PCDH15: variants seen among roughly 807,000 people sequenced by gnomAD.
The protein encoded by PCDH15 is protocadherin related 15, also known as protocadherin-15.
In PCDH15, 129 loss-of-function variants were observed where a neutral mutation model predicts 178.5. The ratio of observed to expected loss-of-function variants is 0.72; its 90% CI spans 0.63 to 0.84. The LOEUF is 0.84. Ranked by LOEUF, PCDH15 falls within the 40% of genes least tolerant of loss-of-function variation. PCDH15 has a pLI of 0.00. For missense variants in PCDH15, 2,230 were observed against 2,099.9 expected (o/e 1.06, Z -1.21); for synonymous variants, 800 against 732.0 (o/e 1.09, Z -1.50).
intron 2 of PCDH15, among the ~76,000 whole-genome samples, chr10:55,324,883 C>T (rs1843990848): frequency 6.6e-6 from 1 of 152,022 alleles, no homozygotes; most frequent in Non-Finnish European, 1.5e-5. Context: ...TTTCAGGACA[C>T]AAAATTAATG....
intron 2 of PCDH15, chr10:55,597,036 C>T (rs2132137985): frequency 6.6e-6 from 1 of 152,284 alleles, no homozygotes; most frequent in Admixed American, 6.5e-5. Context: ...GTACTAGTGA[C>T]TATCACCCTA....
chr10:54,830,413 G>A (rs1474468741), intron 3 of PCDH15, among the ~76,000 whole-genome samples: 1 of 152,132 alleles, frequency 6.6e-6, no homozygotes, highest in African/African-American at 2.4e-5. Flanking sequence ...CATAAAAAAT[G>A]ATGAGTTCAT....
At chr10:55,161,715 G>T (rs1839071329) in intron 2 of PCDH15, among the ~76,000 whole-genome samples, 1 of 152,044 alleles carries the variant, frequency 6.6e-6, no homozygotes. Context: ...TTCCTGAGCT[G>T]TCAAAATTAT....
chr10:55,171,748 T>C (rs1309817641), intron 1 of PCDH15, among the ~76,000 whole-genome samples: 1 of 152,116 alleles, frequency 6.6e-6, no homozygotes, highest in Non-Finnish European at 1.5e-5. Context: ...AAGTTGATAC[T>C]GACTTCAAGA....
intron 8 of PCDH15, among the ~76,000 whole-genome samples, chr10:54,291,114 C>G (rs1409853417): frequency 6.6e-6 from 1 of 152,138 alleles, no homozygotes; most frequent in Non-Finnish European, 1.5e-5. Flanking sequence ...GAAATCACAA[C>G]AAATTGTCTC....
At chr10:55,113,982 T>C (rs998413546) in intron 2 of PCDH15, among the ~76,000 whole-genome samples, 2 of 152,186 alleles carry the variant, frequency 1.3e-5, no homozygotes, top group African/African-American at 4.8e-5. Context: ...TCTCACTCTC[T>C]GTGTCGCCCA....
chr10:54,692,743 T>G (rs1353759717), intron 1 of PCDH15, among the ~76,000 whole-genome samples: 6 of 30,886 alleles, frequency 1.9e-4, no homozygotes, highest in Non-Finnish European at 3.7e-4. Context: ...CTCATCAATC[T>G]GATAGGAATG....
intron 2 of PCDH15, among the ~76,000 whole-genome samples, chr10:54,968,274 A>G (rs977629846): frequency 1.3e-5 from 2 of 152,140 alleles, no homozygotes; most frequent in African/African-American, 2.4e-5. Context: ...AGAAATGTTC[A>G]ATGCAAAATT....
chr10:54,240,352 T>C (rs967699102), intron 8 of PCDH15, among the ~76,000 whole-genome samples: 2 of 151,698 alleles, frequency 1.3e-5, no homozygotes, highest in Middle Eastern at 3.2e-3. Context: ...TATATAGTAG[T>C]AAAGTATCCA....
At chr10:54,023,704 T>C (rs2092999714) in intron 18 of PCDH15, among the ~76,000 whole-genome samples, 1 of 150,800 alleles carries the variant, frequency 6.6e-6, no homozygotes, top group South Asian at 2.1e-4. Flanking sequence ...ATGTTTATTA[T>C]AATAAACATT....
At chr10:54,544,593 A>G (rs569598690) in intron 2 of PCDH15, among the ~76,000 whole-genome samples, 3 of 152,164 alleles carry the variant, frequency 2.0e-5, no homozygotes, top group Admixed American at 6.5e-5. Flanking sequence ...TTGTGTTTGC[A>G]TATATCATAC....
In PCDH15 at chr10:54,195,718, A is replaced by C; in HGVS notation, c.1270T>G (p.Leu424Val). The C allele has an allele frequency of 6.2e-7, 1 of 1,614,036 alleles. No individual in the cohort carries two copies. The highest frequency in any genetic ancestry group is 8.5e-7 in the Non-Finnish European group (1 of 1,179,962). The part of the protein sequence containing the change: ...ISDSLNLTSP[L>V]RIVALDKDIE... ...TCCTTGTCCAGAGCTACTATTCTTA[A>C]AGGTGAAGTCAAATTGAGACTGTCC... Residue 424 changes from leucine to valine, a missense_variant, in exon 11 of 38, where the codon TTA (leucine) becomes GTA (valine). By Grantham distance (32) the Leu-to-Val change is conservative. Coordinates refer to ENST00000644397, the MANE Select transcript of PCDH15 (RefSeq NM_001384140.1).
At chr10:54,288,778 G>A (rs1200505746) in intron 8 of PCDH15, among the ~76,000 whole-genome samples, 3 of 152,242 alleles carry the variant, frequency 2.0e-5, no homozygotes, top group Admixed American at 1.3e-4. Context: ...AGCAGTCTGA[G>A]ATTGAACTGC....
At chr10:54,488,839 T>G (rs967304753) in intron 3 of PCDH15, among the ~76,000 whole-genome samples, 16 of 151,958 alleles carry the variant, frequency 1.1e-4, no homozygotes, top group African/African-American at 3.1e-4. Context: ...TCAAAAAATG[T>G]AGTAGAATAT....
intron 9 of PCDH15, among the ~76,000 whole-genome samples, chr10:54,225,795 T>C (rs1156582054): frequency 6.6e-6 from 1 of 152,204 alleles, no homozygotes; most frequent in East Asian, 1.9e-4. Flanking sequence ...ACCACTCCTA[T>C]TCAAACTTTA....
At chr10:54,193,439 A>G (rs374519455) in intron 11 of PCDH15, among the ~76,000 whole-genome samples, 1 of 152,358 alleles carries the variant, frequency 6.6e-6, no homozygotes, top group East Asian at 1.9e-4. Flanking sequence ...AAGCTATCAT[A>G]CACTTTCAAA....
chr10:54,521,883 A>G (rs1317069802), intron 3 of PCDH15, among the ~76,000 whole-genome samples: 1 of 152,020 alleles, frequency 6.6e-6, no homozygotes, highest in Admixed American at 6.6e-5. Context: ...AGGTCAGGAG[A>G]TCGAGACCAC....
upstream of PCDH15, among the ~76,000 whole-genome samples, chr10:54,805,512 T>C (rs964314181): frequency 3.9e-5 from 6 of 152,172 alleles, no homozygotes; most frequent in African/African-American, 1.4e-4. Flanking sequence ...CATGATTTCA[T>C]GTTGCATAGC....
Position 54,195,754 on chromosome 10 carries a change from C to T in PCDH15, c.1234G>A (p.Ala412Thr), listed in dbSNP as rs1376087291. ...AAATTGAGACTGTCCGAAATGGTTG[C>T]TCCCACTGGGGCAGATTCCAGGATA... Reference protein sequence around the residue: ...GYILESAPVGATISDSLNLTS... With the variant: ...GYILESAPVGTTISDSLNLTS... Residue 412 changes from alanine (A) to threonine (T), a missense_variant, in exon 11 of 38, where the codon GCA becomes ACA. Transcript: ENST00000644397. 1 of 1,614,116 alleles carries T rather than the reference C, an allele frequency of 6.2e-7. No individual in the cohort carries two copies. The highest frequency in any genetic ancestry group is 8.5e-7 in the Non-Finnish European group (1 of 1,180,000).
Sources: allele counts gnomAD v4.1 joint callset (sites outside exome capture counted in the v4.1 genomes callset), GRCh38; gene constraint gnomAD v4.1.1; transcripts MANE v1.5; gene names NCBI Gene and HGNC (gene_info 2026-07-23, HGNC 2026-07-21).